The following SLC11A2 variants were observed in gnomAD, a reference collection of about 807,000 sequenced individuals.
SLC11A2 encodes solute carrier family 11 member 2, also known as natural resistance-associated macrophage protein 2.
SLC11A2 carries 38 observed loss-of-function variants against 68.0 expected under a neutral mutation model. The observed-to-expected ratio is 0.56, with a 90% CI of 0.43 to 0.73. The LOEUF is 0.73. SLC11A2 is among the 30% of genes least tolerant of loss of function. The probability of loss-of-function intolerance (pLI) is 0.00; values close to 1 mark genes in which losing one functional copy is unlikely to be tolerated. For missense variants in SLC11A2, 517 were observed against 690.5 expected (o/e 0.75, Z 2.82); for synonymous variants, 242 against 250.6 (o/e 0.97, Z 0.32).
chr12:50,961,046 A>G, the SLC11A2 span: 1 of 1,613,660 alleles, frequency 6.2e-7, no homozygotes, highest in Non-Finnish European at 8.5e-7. Flanking sequence ...ATGTCAATTC[A>G]TCTTATTCAC....
downstream of SLC11A2, chr12:50,985,923 T>G: frequency 9.1e-7 from 1 of 1,101,138 alleles, no homozygotes; most frequent in Non-Finnish European, 1.1e-6. Context: ...TCAGTATTTT[T>G]TGTATCAAAG....
chr12:50,987,303 C>T lies in SLC11A2; in HGVS notation c.*1022G>A. The T allele has an allele frequency of 7.8e-7, 1 of 1,287,196 alleles. No homozygotes were observed. The highest frequency in any genetic ancestry group is 1.0e-6 in the Non-Finnish European group (1 of 988,674). The allele number at this position is 1,287,196 out of a possible 1,614,324, so 79.7% of individuals were successfully genotyped here. The stretch of plus-strand genomic sequence containing the variant: ...ACAGTGTGCTTTGCAACGGTTAAGT[C>T]CACAGCTCCTGAGATTGCCTCGCAA... On this transcript the variant is annotated 3_prime_UTR_variant, in exon 16 of 16. Transcript: ENST00000262052.
At chr12:50,968,186 G>C in the SLC11A2 span, among the ~76,000 whole-genome samples, 1 of 152,136 alleles carries the variant, frequency 6.6e-6, no homozygotes, top group African/African-American at 2.4e-5. Flanking sequence ...AAACATTTTT[G>C]GAGTTGGCTA....
chr12:50,955,216 C>A, the SLC11A2 span, among the ~76,000 whole-genome samples: 4 of 152,010 alleles, frequency 2.6e-5, no homozygotes, highest in Non-Finnish European at 5.9e-5. Context: ...TCACTTGAAC[C>A]CGGGAGGTAG....
the SLC11A2 span, chr12:50,953,985 T>C: frequency 3.3e-6 from 5 of 1,523,880 alleles, no homozygotes; most frequent in African/African-American, 4.1e-5. Flanking sequence ...ATCCTATTGT[T>C]ACTAGAGAAA....
the SLC11A2 span, chr12:50,960,841 T>G: frequency 1.4e-6 from 1 of 736,998 alleles, no homozygotes; most frequent in Non-Finnish European, 2.1e-6. Flanking sequence ...TATCACCATG[T>G]GTGGCTAATT....
chr12:50,958,742 C>T, the SLC11A2 span, among the ~76,000 whole-genome samples: 2 of 151,792 alleles, frequency 1.3e-5, no homozygotes, highest in East Asian at 4.0e-4. Flanking sequence ...ATAGGCCGGG[C>T]ACAGTGGCTT....
At position 50,986,135 on chromosome 12, in the gene SLC11A2, C is replaced by T; in HGVS notation, c.*2190G>A. The T allele has an allele frequency of 7.8e-7, 1 of 1,286,336 alleles. No individual in the cohort carries two copies. The highest frequency in any genetic ancestry group is 1.0e-6 in the Non-Finnish European group (1 of 987,988). 79.7% of individuals were successfully genotyped at this position (1,286,336 alleles called of 1,614,324 possible). A position where few individuals can be genotyped will look rare whatever the true frequency, so the allele number is the denominator to read the frequency against. On this transcript the variant is annotated 3_prime_UTR_variant, in exon 16 of 16. Transcript: ENST00000262052. ...CTCTTCCCTTTTCCCCTGTTAATTT[C>T]CAGTATAATGTAGCAGCACAATTAT...
intron 1 of SLC11A2, among the ~76,000 whole-genome samples, chr12:51,021,698 T>A (rs1944054356): frequency 6.6e-6 from 1 of 151,910 alleles, no homozygotes; most frequent in Non-Finnish European, 1.5e-5. Context: ...GCTGGACTTT[T>A]AAGTGTTTTG....
intron 6 of SLC11A2, 62 bp from the exon 7 acceptor site, chr12:50,999,477 C>G: frequency 7.5e-7 from 1 of 1,331,918 alleles, no homozygotes; most frequent in Non-Finnish European, 1.1e-6. Flanking sequence ...TTGAAAAACA[C>G]TCTCTTCCCA....
intron 11 of SLC11A2, among the ~76,000 whole-genome samples, chr12:50,994,000 A>AAAAAAAAAAAAAC (rs1941452663): frequency 6.8e-6 from 1 of 147,606 alleles, no homozygotes; most frequent in Non-Finnish European, 1.5e-5. Flanking sequence ...TCCAAAAAAA[A>AAAAAAAAAAAAAC]AAAAAAAAAA....
At chr12:50,975,998 T>C (rs11503922), downstream of SLC11A2, among the ~76,000 whole-genome samples, 1,284 of 152,060 alleles carry the variant, frequency 8.4e-3, 20 homozygotes, top group African/African-American at 0.029. Context: ...AGGCAATAAT[T>C]AATAGCTTAC....
chr12:51,000,564 T>G (rs1036110598), intron 5 of SLC11A2, 145 bp from the exon 6 acceptor site: 5 of 695,178 alleles, frequency 7.2e-6, no homozygotes, highest in Admixed American at 2.1e-5. Context: ...AGAACGTGCC[T>G]CCACTTGGCC....
chr12:50,988,196 T>C lies in SLC11A2; in HGVS notation c.*129A>G. On this transcript the variant is annotated 3_prime_UTR_variant, in exon 16 of 16. Transcript: ENST00000262052. ...TTCAAATACACATGAAACAAAGTCT[T>C]TTCCAACCAACGGTTGAGTCATAAA... is the stretch of plus-strand genomic sequence containing the variant. 1 of 1,555,476 alleles carries C rather than the reference T, an allele frequency of 6.4e-7. No homozygotes were observed. The highest frequency in any genetic ancestry group is 8.7e-7 in the Non-Finnish European group (1 of 1,150,980).
downstream of SLC11A2, among the ~76,000 whole-genome samples, chr12:50,978,610 G>A (rs1939885530): frequency 6.7e-6 from 1 of 149,434 alleles, no homozygotes; most frequent in South Asian, 2.1e-4. Context: ...CCTGCACGCT[G>A]TGCACATGTA....
At chr12:51,010,861 T>A in intron 1 of SLC11A2, 95 bp from the exon 2 acceptor site, 2 of 517,844 alleles carry the variant, frequency 3.9e-6, no homozygotes, top group Non-Finnish European at 7.0e-6. Context: ...GAATCCTTAC[T>A]ATGAAAAGAG....
downstream of SLC11A2, among the ~76,000 whole-genome samples, chr12:50,984,398 C>T (rs1940344910): frequency 6.6e-6 from 1 of 152,114 alleles, no homozygotes; most frequent in African/African-American, 2.4e-5. Context: ...TAAATAACAG[C>T]AATTAAATAT....
intron 1 of SLC11A2, among the ~76,000 whole-genome samples, chr12:51,020,349 A>G (rs1943954969): frequency 6.6e-6 from 1 of 152,052 alleles, no homozygotes; most frequent in African/African-American, 2.4e-5. Context: ...TCTTATTAAA[A>G]TGAATTTGAT....
chr12:50,961,170 C>A, the SLC11A2 span: 1 of 1,482,966 alleles, frequency 6.7e-7, no homozygotes, highest in South Asian at 1.2e-5. Context: ...TTTATTCATT[C>A]ATAGTAGAAG....
Sources: gnomAD v4.1 joint callset for allele counts (sites outside exome capture counted in the v4.1 genomes callset) on GRCh38, gnomAD v4.1.1 for gene constraint, MANE v1.5 for transcripts, NCBI Gene and HGNC (gene_info 2026-07-23, HGNC 2026-07-21) for gene names.